The following TMEM132C variants were observed in gnomAD, a reference collection of about 807,000 sequenced individuals.
TMEM132C encodes protein phosphatase 1, regulatory subunit 152.
Under a neutral mutation model 61.4 loss-of-function variants are expected in TMEM132C, and 29 were observed. The ratio of observed to expected loss-of-function variants is 0.47; its 90% CI spans 0.35 to 0.64. The LOEUF (loss-of-function observed/expected upper bound fraction) is 0.64, where lower values mean the gene tolerates loss of function less well. Among genes scored for constraint, TMEM132C ranks in the 30% least tolerant of loss-of-function variants. The pLI is 0.00. For missense variants in TMEM132C, 1,408 were observed against 1,476.9 expected, an observed-to-expected ratio of 0.95 and a Z score of 0.76; for synonymous variants, 656 against 633.1, an observed-to-expected ratio of 1.04 and a Z score of -0.54.
chr12:128,400,397 C>T (rs941909183), intron 1 of TMEM132C, among the ~76,000 whole-genome samples: 4 of 152,134 alleles, frequency 2.6e-5, no homozygotes, highest in Non-Finnish European at 5.9e-5. Context: ...CCTTCTTTCC[C>T]AGAAGTCCTA....
At chr12:128,294,123 T>C (rs1025321170) in intron 1 of TMEM132C, 1 of 154,702 alleles carries the variant, frequency 6.5e-6, no homozygotes, top group Non-Finnish European at 1.5e-5. Flanking sequence ...TCTTGAGAAA[T>C]GGAAGGAATG....
chr12:128,355,093 G>T (rs528012112), intron 1 of TMEM132C, among the ~76,000 whole-genome samples: 14 of 152,250 alleles, frequency 9.2e-5, no homozygotes, highest in African/African-American at 3.4e-4. Flanking sequence ...TCAAAGACAT[G>T]AACTTTATAG....
chr12:128,562,561 A>G (rs1273306175), intron 3 of TMEM132C, among the ~76,000 whole-genome samples: 2 of 152,166 alleles, frequency 1.3e-5, no homozygotes, highest in Admixed American at 6.5e-5. Flanking sequence ...CTCATTCATC[A>G]TGTCTTTAAT....
At chr12:128,524,545 C>CA (rs1222517089) in intron 2 of TMEM132C, among the ~76,000 whole-genome samples, 6 of 152,014 alleles carry the variant, frequency 3.9e-5, no homozygotes, top group Admixed American at 6.6e-5. Flanking sequence ...ACCTGGAAGG[C>CA]AAACTCCAGG....
intron 3 of TMEM132C, among the ~76,000 whole-genome samples, chr12:128,609,460 G>A (rs1047144685): frequency 3.3e-5 from 5 of 151,578 alleles, no homozygotes; most frequent in Non-Finnish European, 5.9e-5. Flanking sequence ...GTTTTGCCAC[G>A]TTGCCCAGGC....
At chr12:128,381,026 C>T (rs1433277564) in intron 1 of TMEM132C, among the ~76,000 whole-genome samples, 2 of 152,186 alleles carry the variant, frequency 1.3e-5, no homozygotes, top group African/African-American at 2.4e-5. Flanking sequence ...TTTATTCCTA[C>T]ACTTAGGGGA....
At position 128,414,925 on chromosome 12, in the gene TMEM132C, A is replaced by T. The variant is rs1212629703; in HGVS notation, c.279A>T (p.Pro93=). The change falls in exon 2 of 9, where the codon CCA becomes CCT. Residue 93 remains proline, a synonymous_variant. Transcript: ENST00000435159. ...TTACCTACAAAACCAGGCAGCCCCCAGTGCTCAATGCCAGCTATGGACCCT... is the reference window on the plus strand; with the variant it reads ...TTACCTACAAAACCAGGCAGCCCCCTGTGCTCAATGCCAGCTATGGACCCT... ...SFFTYKTRQP[P]VLNASYGPFS... The T allele has an allele frequency of 6.4e-7, 1 of 1,551,776 alleles. No individual in the cohort carries two copies. Among genetic ancestry groups the T allele is most frequent in the South Asian group, 1.2e-5 (1 of 84,052 alleles).
At chr12:128,577,154 T>C (rs76004433) in intron 3 of TMEM132C, among the ~76,000 whole-genome samples, 3,383 of 152,338 alleles carry the variant, frequency 0.022, 163 homozygotes, top group East Asian at 0.22. Flanking sequence ...ATTCTGGACA[T>C]TTTATGTACA....
At chr12:128,632,204 T>G (rs539498605) in intron 4 of TMEM132C, among the ~76,000 whole-genome samples, 28 of 152,198 alleles carry the variant, frequency 1.8e-4, no homozygotes, top group Non-Finnish European at 1.3e-4. Context: ...GCCAATGTTA[T>G]GAAGACACAA....
chr12:128,594,471 C>T (rs1325804087), intron 3 of TMEM132C, among the ~76,000 whole-genome samples: 3 of 151,482 alleles, frequency 2.0e-5, no homozygotes, highest in East Asian at 2.0e-4. Flanking sequence ...ATTGCAGGTG[C>T]TTGGTGGGTG....
intron 1 of TMEM132C, among the ~76,000 whole-genome samples, chr12:128,270,734 C>G (rs1281597241): frequency 1.3e-5 from 2 of 152,164 alleles, no homozygotes; most frequent in Non-Finnish European, 2.9e-5. Context: ...TCATCCTTGT[C>G]CCTTCTTATC....
intron 4 of TMEM132C, among the ~76,000 whole-genome samples, chr12:128,636,753 C>T (rs141221252): frequency 7.8e-4 from 119 of 152,214 alleles, no homozygotes; most frequent in African/African-American, 2.7e-3. Context: ...ACCCATTGAG[C>T]GACATCTCTT....
intron 2 of TMEM132C, among the ~76,000 whole-genome samples, chr12:128,422,007 C>A (rs1007129930): frequency 2.6e-5 from 4 of 152,180 alleles, no homozygotes; most frequent in Non-Finnish European, 5.9e-5. Context: ...ATAAACATTC[C>A]TTTTCATGGA....
At chr12:128,489,375 T>TG (rs1462105891) in intron 2 of TMEM132C, among the ~76,000 whole-genome samples, 2 of 122,832 alleles carry the variant, frequency 1.6e-5, no homozygotes, top group Non-Finnish European at 3.6e-5. Flanking sequence ...GAATAAAAGC[T>TG]GGAAAAAAAA....
intron 1 of TMEM132C, among the ~76,000 whole-genome samples, chr12:128,366,458 C>T (rs1054889465): frequency 2.6e-5 from 4 of 152,218 alleles, no homozygotes; most frequent in African/African-American, 7.2e-5. Context: ...GGCTCCTCAG[C>T]TGGACGCGGC....
Position 128,267,318 on chromosome 12 carries a change from C to A in TMEM132C, c.-85C>A. 1.1e-6 allele frequency: 1 copy of A among 889,364 alleles called. No individual in the cohort carries two copies. The highest frequency in any genetic ancestry group is 4.9e-5 in the South Asian group (1 of 20,278). The allele number at this position is 889,364 out of a possible 1,614,324, so 55.1% of individuals were successfully genotyped here. ...GGCCGACCGGGCTGCGGGAGTGGCC[C>A]CGGGCATGGGGCGGCCGGCGGGGGC... On this transcript the variant is annotated 5_prime_UTR_variant, in exon 1 of 9. Coordinates refer to ENST00000435159, the MANE Select transcript of TMEM132C (RefSeq NM_001136103.3).
At chr12:128,492,917 C>T (rs1871794780) in intron 2 of TMEM132C, among the ~76,000 whole-genome samples, 1 of 152,142 alleles carries the variant, frequency 6.6e-6, no homozygotes, top group South Asian at 2.1e-4. Context: ...GTCATGAAGT[C>T]CTTGCCTATG....
chr12:128,677,804 G>C (rs1954604351), intron 5 of TMEM132C, among the ~76,000 whole-genome samples: 1 of 152,210 alleles, frequency 6.6e-6, no homozygotes, highest in Admixed American at 6.5e-5. Context: ...CAGCCTGTCT[G>C]ACCTCCAGGG....
At chr12:128,568,782 G>A (rs77920919) in intron 3 of TMEM132C, among the ~76,000 whole-genome samples, 4,558 of 152,230 alleles carry the variant, frequency 0.03, 225 homozygotes, top group African/African-American at 0.1. Context: ...CGAGCCCCGT[G>A]TCCCTCAGCT....
Sources: allele counts gnomAD v4.1 joint callset (sites outside exome capture counted in the v4.1 genomes callset), GRCh38; gene constraint gnomAD v4.1.1; transcripts MANE v1.5; gene names NCBI Gene and HGNC (gene_info 2026-07-23, HGNC 2026-07-21).